PTAR1: variants seen among roughly 807,000 people sequenced by gnomAD.
PTAR1 encodes protein prenyltransferase alpha subunit repeat containing 1.
PTAR1 carries 17 observed loss-of-function variants against 45.5 expected under a neutral mutation model. That is an observed-to-expected ratio of 0.37 (90% CI 0.26 to 0.56). PTAR1 has a LOEUF of 0.56. Ranked by LOEUF, PTAR1 falls within the 20% of genes least tolerant of loss-of-function variation. PTAR1 has a pLI of 0.77. For synonymous variants in PTAR1, 169 were observed against 171.3 expected (o/e 0.99, Z 0.11); for missense variants, 391 against 476.3 (o/e 0.82, Z 1.67).
In PTAR1 at chr9:69,732,279, T is replaced by C; in HGVS notation, c.502A>G (p.Ile168Val). 6.2e-7 allele frequency: 1 copy of C among 1,613,850 alleles called. No homozygotes were observed. Among genetic ancestry groups the C allele is most frequent in the Non-Finnish European group, 8.5e-7 (1 of 1,179,786 alleles). ...SFVTKGNLGT[I>V]PTERAQRLIQ... ...AGTCGCTGTGCCCTTTCTGTGGGAA[T>C]TGTTCCCAAGTTTCCTTTGGTCACA... The change falls in exon 5 of 8, where the codon ATT (isoleucine) becomes GTT (valine). Residue 168 changes from isoleucine (I) to valine (V), a missense_variant. Coordinates refer to ENST00000340434, the MANE Select transcript of PTAR1 (RefSeq NM_001099666.2).
chr9:69,729,443 T>C (rs369642353), intron 5 of PTAR1, among the ~76,000 whole-genome samples: 112 of 152,350 alleles, frequency 7.4e-4, no homozygotes, highest in African/African-American at 2.6e-3. Flanking sequence ...ATGTGATGGA[T>C]TGTAATCTAA....
At chr9:69,726,920 ATTC>A (rs1454434703) in intron 5 of PTAR1, among the ~76,000 whole-genome samples, 2 of 149,928 alleles carry the variant, frequency 1.3e-5, no homozygotes, top group Admixed American at 1.3e-4. Context: ...GATTTTTTAA[ATTC>A]TTTTTTTTTT....
intron 5 of PTAR1, among the ~76,000 whole-genome samples, chr9:69,731,412 C>T (rs779714509): frequency 2.2e-4 from 34 of 152,234 alleles, no homozygotes; most frequent in Non-Finnish European, 3.7e-4. Flanking sequence ...AAAACTGAGA[C>T]ACCGTAGTAT....
intron 1 of PTAR1, among the ~76,000 whole-genome samples, chr9:69,754,532 C>CTTTTTTTTTTTT (rs60025062): frequency 0.017 from 1,268 of 76,264 alleles, 79 homozygotes; most frequent in African/African-American, 0.024. Flanking sequence ...GGGTATATAT[C>CTTTTTTTTTTTT]TTTTTTTTTT....
intron 1 of PTAR1, among the ~76,000 whole-genome samples, chr9:69,759,006 A>ATCTC (rs56932168): frequency 7.9e-4 from 120 of 151,398 alleles, no homozygotes; most frequent in African/African-American, 2.4e-3. Flanking sequence ...TATAATGTAG[A>ATCTC]TCTCTCTCTC....
intron 1 of PTAR1, among the ~76,000 whole-genome samples, chr9:69,759,491 C>T (rs568891317): frequency 6.6e-6 from 1 of 152,312 alleles, no homozygotes; most frequent in Admixed American, 6.5e-5. Context: ...ACAAGGCATA[C>T]ACGGACCCAC....
intron 5 of PTAR1, among the ~76,000 whole-genome samples, chr9:69,729,948 A>G (rs1288859578): frequency 1.3e-5 from 2 of 152,240 alleles, no homozygotes; most frequent in Non-Finnish European, 2.9e-5. Context: ...ACTCGATGCC[A>G]GCACTTTAAA....
chr9:69,725,615 T>C (rs945367433), intron 5 of PTAR1, among the ~76,000 whole-genome samples: 1 of 151,572 alleles, frequency 6.6e-6, no homozygotes, highest in Admixed American at 6.6e-5. Flanking sequence ...TATATATATA[T>C]ATTTTCAACA....
intron 3 of PTAR1, among the ~76,000 whole-genome samples, chr9:69,738,893 C>T (rs1208167757): frequency 2.0e-5 from 3 of 151,520 alleles, no homozygotes; most frequent in Non-Finnish European, 2.9e-5. Context: ...CTGCAACCTC[C>T]GCCTCCCAGG....
chr9:69,759,896 C>A lies in PTAR1; in HGVS notation c.43G>T (p.Val15Phe). The A allele has an allele frequency of 6.5e-7, 1 of 1,529,600 alleles. No homozygotes were observed. Among genetic ancestry groups the A allele is most frequent in the Non-Finnish European group, 8.8e-7 (1 of 1,138,832 alleles). The allele number at this position is 1,529,600 out of a possible 1,614,324, so 94.8% of individuals were successfully genotyped here. A position where few individuals can be genotyped will look rare whatever the true frequency, so the allele number is the denominator to read the frequency against. The change falls in exon 1 of 8, where the codon GTT (valine) becomes TTT (phenylalanine). Residue 15 changes from valine (V) to phenylalanine (F), a missense_variant. Coordinates refer to ENST00000340434, the MANE Select transcript of PTAR1 (RefSeq NM_001099666.2). ...SEEVAVLVQRVVKDITNAFRR... is the reference protein window; with the variant it reads ...SEEVAVLVQRFVKDITNAFRR... ...AAGGCGTTAGTGATGTCCTTCACAA[C>A]CCGCTGCACCAGCACCGCCACCTCC... is the stretch of plus-strand genomic sequence containing the variant.
rs1014660366 is a variant in PTAR1, at chr9:69,716,167, G to C, written c.*2175C>G. 2 of 152,026 alleles carry C rather than the reference G, an allele frequency of 1.3e-5. No individual in the cohort carries two copies. Among genetic ancestry groups the C allele is most frequent in the African/African-American group, 2.4e-5 (1 of 41,394 alleles). 9.4% of individuals were successfully genotyped at this position (152,026 alleles called of 1,614,324 possible). A position where few individuals can be genotyped will look rare whatever the true frequency, so the allele number is the denominator to read the frequency against. ...GTGAAAAATGATTTTTAGGAAAAAA[G>C]GTAATACTGAGTTAGGCCAGAATCT... On this transcript the variant is annotated 3_prime_UTR_variant, in exon 8 of 8. Transcript: ENST00000340434.
At position 69,759,962 on chromosome 9, in the gene PTAR1, G is replaced by T. The variant is rs950910620; in HGVS notation, c.-24C>A. The T allele has an allele frequency of 1.4e-6, 2 of 1,463,338 alleles. No homozygotes were observed. The highest frequency in any genetic ancestry group is 3.1e-5 in the East Asian group (1 of 32,760). The allele number at this position is 1,463,338 out of a possible 1,614,324, so 90.6% of individuals were successfully genotyped here. On this transcript the variant is annotated 5_prime_UTR_variant, in exon 1 of 8. Coordinates refer to ENST00000340434, the MANE Select transcript of PTAR1 (RefSeq NM_001099666.2). ...ATGTTGGCGGCGGCCGCGACAGTTC[G>T]GGCGCGCCTCCGCGTGAGCCGGGCC... is the stretch of plus-strand genomic sequence containing the variant.
chr9:69,713,946 T>A lies in PTAR1; in HGVS notation c.*4396A>T, dbSNP rs1463378652. ...CCACAATCAACTGTTTGATAAAACT[T>A]CCATCCTGTTTTCTTAAACATTAAA... On this transcript the variant is annotated 3_prime_UTR_variant, in exon 8 of 8. Transcript: ENST00000340434. The A allele has an allele frequency of 6.6e-6, 1 of 152,170 alleles. No homozygotes were observed. Among genetic ancestry groups the A allele is most frequent in the Non-Finnish European group, 1.5e-5 (1 of 68,008 alleles). The allele number at this position is 152,170 out of a possible 1,614,324, so 9.4% of individuals were successfully genotyped here. A position where few individuals can be genotyped will look rare whatever the true frequency, so the allele number is the denominator to read the frequency against.
rs1348156988 is a variant in PTAR1, at chr9:69,750,931, G to A, written c.106C>T (p.Pro36Ser). The A allele has an allele frequency of 6.3e-7, 1 of 1,595,458 alleles. No individual in the cohort carries two copies. The highest frequency in any genetic ancestry group is 8.5e-7 in the Non-Finnish European group (1 of 1,172,088). Residue 36 changes from proline (P) to serine (S), a missense_variant, in exon 2 of 8, where the codon CCA becomes TCA. Physicochemically the swap from Pro to Ser is moderately conservative, Grantham distance 74. This residue lies in a region of PTAR1 where 152 missense variants were observed against 160.0 expected (regional missense o/e 0.95). Coordinates refer to ENST00000340434, the MANE Select transcript of PTAR1 (RefSeq NM_001099666.2). ...NPHIDEIGLI[P>S]CPEARYNRSP... ...CGGTTATACCTAGCTTCAGGACATG[G>A]GATCAGGCCAATTTCATCTCTTAAT...
Position 69,727,026 on chromosome 9 carries a change from TACACACACAC to T in PTAR1, c.643-3406_643-3397del, listed in dbSNP as rs71356128. On this transcript the variant is annotated intron_variant, in intron 5 of 7. Coordinates refer to ENST00000340434, the MANE Select transcript of PTAR1 (RefSeq NM_001099666.2). ...AAATGACAAATTAAAATTGTGTATA[TACACACACAC>T]ACACACACACACACACGTATACACA... 4.1e-5 allele frequency among the ~76,000 whole-genome samples: 6 copies of T among 147,102 alleles called. 1 individual carries two copies. The East Asian group carries it at 7.9e-4, about 19-fold the overall frequency.
At chr9:69,757,057 G>A (rs1252497914) in intron 1 of PTAR1, 1 of 152,094 alleles carries the variant, frequency 6.6e-6, no homozygotes, top group Non-Finnish European at 1.5e-5. Context: ...TTAGTGCCTT[G>A]GGTTCAAGAA....
At chr9:69,720,158 G>T (rs1263729896) in intron 6 of PTAR1, among the ~76,000 whole-genome samples, 3 of 152,226 alleles carry the variant, frequency 2.0e-5, no homozygotes, top group African/African-American at 7.2e-5. Flanking sequence ...AGGTGAGACA[G>T]GCTGAAAGCT....
intron 2 of PTAR1, among the ~76,000 whole-genome samples, chr9:69,742,825 C>T (rs1296742458): frequency 1.3e-5 from 2 of 152,064 alleles, no homozygotes; most frequent in Non-Finnish European, 2.9e-5. Context: ...TTGTTTACTA[C>T]ATATAGTTCA....
chr9:69,742,384 A>T (rs1826080861), intron 2 of PTAR1, among the ~76,000 whole-genome samples: 1 of 152,096 alleles, frequency 6.6e-6, no homozygotes, highest in South Asian at 2.1e-4. Context: ...TATATTTTTC[A>T]CTAAGTATTA....
Sources: gnomAD v4.1 joint callset for allele counts (sites outside exome capture counted in the v4.1 genomes callset) on GRCh38, gnomAD v4.1.1 for gene constraint, gnomAD v4.1.1 regional missense constraint, MANE v1.5 for transcripts, NCBI Gene and HGNC (gene_info 2026-07-23, HGNC 2026-07-21) for gene names.